TRIM13: variants seen among roughly 807,000 people sequenced by gnomAD.
The protein encoded by TRIM13 is E3 ubiquitin-protein ligase TRIM13.
A neutral mutation model predicts 27.1 loss-of-function variants in TRIM13; 15 were observed. The ratio of observed to expected loss-of-function variants is 0.55; its 90% CI spans 0.37 to 0.85. The LOEUF (loss-of-function observed/expected upper bound fraction) is 0.85. TRIM13 is among the 40% of genes least tolerant of loss of function. TRIM13 has a pLI of 0.00. For synonymous variants in TRIM13, 193 were observed against 171.5 expected, an observed-to-expected ratio of 1.13 and a Z score of -0.98; for missense variants, 402 against 472.2, an observed-to-expected ratio of 0.85 and a Z score of 1.38.
At chr13:50,011,506 GCTT>G (rs1875639507) in intron 1 of TRIM13, among the ~76,000 whole-genome samples, 1 of 152,180 alleles carries the variant, frequency 6.6e-6, no homozygotes, top group African/African-American at 2.4e-5. Context: ...ATATTTCTGT[GCTT>G]CTTTCTTTTA....
intron 1 of TRIM13, among the ~76,000 whole-genome samples, chr13:50,004,084 C>CT (rs1416805979): frequency 2.6e-5 from 4 of 152,132 alleles, no homozygotes; most frequent in Admixed American, 2.6e-4. Context: ...CCTTTATGTG[C>CT]TTAATCTGAC....
rs79932244 is a variant in TRIM13, at chr13:50,017,480, A to G, written c.*4316A>G. ...TCCCTTTTTATGTTGTGTTTTAGAA[A>G]CAGCACGAAAGTTTTTTCCATTTTA... is the stretch of plus-strand genomic sequence containing the variant. On this transcript the variant is annotated 3_prime_UTR_variant, in exon 2 of 2. Transcript: ENST00000378182. 1,588 of 167,234 alleles carry G rather than the reference A, an allele frequency of 9.5e-3. 49 individuals are homozygous for G. The East Asian group carries it at 0.12, about 13-fold the overall frequency. The allele number at this position is 167,234 out of a possible 1,614,324, so 10.4% of individuals were successfully genotyped here. A position where few individuals can be genotyped will look rare whatever the true frequency, so the allele number is the denominator to read the frequency against.
intron 1 of TRIM13, among the ~76,000 whole-genome samples, chr13:50,006,128 A>G (rs1233226674): frequency 6.9e-6 from 1 of 145,212 alleles, no homozygotes; most frequent in African/African-American, 2.6e-5. Flanking sequence ...ATTTTGATGC[A>G]ATTTTTTTGA....
At chr13:50,008,403 C>CACCTGTGATCTCAGTGCTT (rs1875092690) in intron 1 of TRIM13, among the ~76,000 whole-genome samples, 1 of 152,070 alleles carries the variant, frequency 6.6e-6, no homozygotes, top group Non-Finnish European at 1.5e-5. Flanking sequence ...CAGTGGCTCA[C>CACCTGTGATCTCAGTGCTT]ACCTGTGATC....
intron 1 of TRIM13, among the ~76,000 whole-genome samples, chr13:50,005,821 G>A (rs1051490524): frequency 6.7e-6 from 1 of 149,704 alleles, no homozygotes; most frequent in African/African-American, 2.5e-5. Flanking sequence ...GGGTTCAAGC[G>A]ATTCTCCTGC....
chr13:50,015,326 A>ATT lies in TRIM13; in HGVS notation c.*2163_*2164insTT. On this transcript the variant is annotated 3_prime_UTR_variant, in exon 2 of 2. Transcript: ENST00000378182. ...GCAACTCGAATTTGCAAACACAGCC[A>ATT]TGGATACACTATTTACCTTACAGTA... The ATT allele has an allele frequency of 1.7e-6, 1 of 590,866 alleles. No homozygotes were observed. The highest frequency in any genetic ancestry group is 2.6e-5 in the South Asian group (1 of 38,664). The allele number at this position is 590,866 out of a possible 1,614,324, so 36.6% of individuals were successfully genotyped here.
intron 1 of TRIM13, among the ~76,000 whole-genome samples, chr13:50,007,717 G>A (rs1262982883): frequency 4.7e-4 from 70 of 149,318 alleles, no homozygotes; most frequent in African/African-American, 1.7e-3. Context: ...GGGAGGCGGA[G>A]GTTGCAGTGA....
intron 1 of TRIM13, among the ~76,000 whole-genome samples, chr13:50,003,367 A>T (rs1338665644): frequency 6.6e-6 from 1 of 152,226 alleles, no homozygotes; most frequent in East Asian, 1.9e-4. Flanking sequence ...ATGAAAAAAA[A>T]CAAAAAACAT....
rs33989231 is a variant in TRIM13, at chr13:50,013,518, CTTTTT to C, written c.*372_*376del. ...TTCTTCAAGCATGCAGTAAAGATCA[CTTTTT>C]TTTTTTTTTTTTTTTTTGAGATGGA... On this transcript the variant is annotated 3_prime_UTR_variant, in exon 2 of 2. Transcript: ENST00000378182. 1.7e-4 allele frequency: 15 copies of C among 86,606 alleles called. No individual in the cohort carries two copies. Among genetic ancestry groups the C allele is most frequent in the Non-Finnish European group, 2.7e-4 (10 of 36,900 alleles). 5.4% of individuals were successfully genotyped at this position (86,606 alleles called of 1,614,324 possible).
Position 50,009,986 on chromosome 13 carries a change from T to C in TRIM13, c.-6-1949T>C, listed in dbSNP as rs765573152. 9.1e-4 allele frequency among the ~76,000 whole-genome samples: 137 copies of C among 150,980 alleles called. 1 individual carries two copies. The highest frequency in any genetic ancestry group is 7.1e-3 in the Middle Eastern group (2 of 280). On this transcript the variant is annotated intron_variant, in intron 1 of 1. Transcript: ENST00000378182. Reference sequence around the variant, plus strand: ...ACAAAAATCTAGGCTTACACAGATATGTAGTTGGTAAAGGAAGGAATATTA... The same window carrying C: ...ACAAAAATCTAGGCTTACACAGATACGTAGTTGGTAAAGGAAGGAATATTA...
chr13:49,999,618 T>G (rs921371007), intron 1 of TRIM13, among the ~76,000 whole-genome samples: 1 of 152,172 alleles, frequency 6.6e-6, no homozygotes, highest in Non-Finnish European at 1.5e-5. Context: ...GCTCAAGTGA[T>G]CCTCCTGCTT....
rs1876246802 is a variant in TRIM13, at chr13:50,015,087, AAAAAAAAATATATATATAT to A, written c.*1925_*1943del. The A allele has an allele frequency of 1.8e-4, 10 of 54,792 alleles. 1 individual carries two copies. Among genetic ancestry groups the A allele is most frequent in the Admixed American group, 1.5e-3 (6 of 3,896 alleles). The allele number at this position is 54,792 out of a possible 1,614,324, so 3.4% of individuals were successfully genotyped here. A position where few individuals can be genotyped will look rare whatever the true frequency, so the allele number is the denominator to read the frequency against. On this transcript the variant is annotated 3_prime_UTR_variant, in exon 2 of 2. Transcript: ENST00000378182. The stretch of plus-strand genomic sequence containing the variant: ...CCCCTCCCAGTAATAAAAAAAAAAA[AAAAAAAAATATATATATAT>A]ATATATATATATATATATATATATA...
At position 50,012,772 on chromosome 13, in the gene TRIM13, A is replaced by G. The variant is rs1482105290; in HGVS notation, c.832A>G (p.Met278Val). The G allele has an allele frequency of 6.2e-7, 1 of 1,614,088 alleles. No individual in the cohort carries two copies. The highest frequency in any genetic ancestry group is 1.1e-5 in the South Asian group (1 of 91,082). The change falls in exon 2 of 2, where the codon ATG (methionine) becomes GTG (valine). Residue 278 changes from methionine to valine, a missense_variant. Physicochemically the swap from Met to Val is conservative, Grantham distance 21. Around this residue, in one of 2 missense-constraint regions of TRIM13, gnomAD observed 200 missense variants for 194.7 expected, o/e 1.03. Transcript: ENST00000378182. The part of the protein sequence containing the change: ...PPSNLPASPL[M>V]KNFDTSQWED... ...CTCTAATTTGCCTGCAAGCCCTTTA[A>G]TGAAGAACTTTGATACCAGTCAGTG... is the stretch of plus-strand genomic sequence containing the variant.
intron 1 of TRIM13, among the ~76,000 whole-genome samples, chr13:50,007,782 C>CAAAAAA (rs34741583): frequency 1.0e-3 from 130 of 127,744 alleles, no homozygotes; most frequent in Middle Eastern, 7.9e-3. Context: ...GACTTAGTCT[C>CAAAAAA]AAAAAAAAAA....
At position 50,013,262 on chromosome 13, in the gene TRIM13, C is replaced by G. The variant is rs73491515; in HGVS notation, c.*98C>G. 852 of 1,236,896 alleles carry G rather than the reference C, an allele frequency of 6.9e-4. 6 individuals are homozygous for G. In the African/African-American group the frequency reaches 0.012, roughly 17 times the overall value. The allele number at this position is 1,236,896 out of a possible 1,614,324, so 76.6% of individuals were successfully genotyped here. Reference sequence around the variant, plus strand: ...TCAACGATTCTAGTCACATATTTTCCTCCAAAAGTATTCCTTCCAAAAATA... The same window carrying G: ...TCAACGATTCTAGTCACATATTTTCGTCCAAAAGTATTCCTTCCAAAAATA... On this transcript the variant is annotated 3_prime_UTR_variant, in exon 2 of 2. Transcript: ENST00000378182.
intron 1 of TRIM13, among the ~76,000 whole-genome samples, chr13:50,007,488 C>CAAAA (rs1469454855): frequency 1.6e-5 from 1 of 64,404 alleles, no homozygotes. Flanking sequence ...GACTCTGTCT[C>CAAAA]AAAAAAAAAA....
intron 1 of TRIM13, among the ~76,000 whole-genome samples, chr13:50,004,889 A>G (rs1017994066): frequency 2.0e-5 from 3 of 152,114 alleles, no homozygotes; most frequent in Admixed American, 6.5e-5. Flanking sequence ...CAGCCTGACC[A>G]ACATGGTGAA....
intron 1 of TRIM13, among the ~76,000 whole-genome samples, chr13:50,009,749 A>C (rs1294359459): frequency 4.4e-5 from 6 of 136,790 alleles, no homozygotes; most frequent in African/African-American, 7.6e-5. Context: ...AAAAAAAAAA[A>C]AAAAAAAAAC....
Position 50,016,131 on chromosome 13 carries a change from C to T in TRIM13, c.*2967C>T, listed in dbSNP as rs1231932835. 1.6e-6 allele frequency: 2 copies of T among 1,258,362 alleles called. No individual in the cohort carries two copies. Among genetic ancestry groups the T allele is most frequent in the Admixed American group, 2.1e-5 (1 of 48,120 alleles). 77.9% of individuals were successfully genotyped at this position (1,258,362 alleles called of 1,614,324 possible). The stretch of plus-strand genomic sequence containing the variant: ...CAGTTTGTGATGTTTTCTCTAAAAA[C>T]TTGAAGTTCCTCAGGCCTGTAACTT... On this transcript the variant is annotated 3_prime_UTR_variant, in exon 2 of 2. Coordinates refer to ENST00000378182, the MANE Select transcript of TRIM13 (RefSeq NM_213590.3).
Sources: allele counts gnomAD v4.1 joint callset (sites outside exome capture counted in the v4.1 genomes callset), GRCh38; gene constraint gnomAD v4.1.1; regional missense constraint gnomAD v4.1.1; transcripts MANE v1.5; gene names NCBI Gene and HGNC (gene_info 2026-07-23, HGNC 2026-07-21).